Variants in CACNA1C observed in about 807,000 individuals in gnomAD.
The protein encoded by CACNA1C is voltage-dependent L-type calcium channel subunit alpha-1C.
Under a neutral mutation model 229.0 loss-of-function variants are expected in CACNA1C, and 30 were observed. The observed-to-expected ratio is 0.13, with a 90% CI of 0.10 to 0.18. The LOEUF (loss-of-function observed/expected upper bound fraction) is 0.18, where lower values mean the gene tolerates loss of function less well. Among genes scored for constraint, CACNA1C ranks in the 10% least tolerant of loss-of-function variants. The pLI is 1.00. For missense variants in CACNA1C, 1,658 were observed against 2,845.0 expected, an observed-to-expected ratio of 0.58 and a Z score of 9.49; for synonymous variants, 1,114 against 1,132.5, an observed-to-expected ratio of 0.98 and a Z score of 0.33.
At position 2,664,841 on chromosome 12, in the gene CACNA1C, G is replaced by A; in HGVS notation, c.4249G>A (p.Ala1417Thr). The change falls in exon 35 of 47, where the codon GCC becomes ACC. Residue 1417 changes from alanine to threonine, a missense_variant. By Grantham distance (58) the Ala-to-Thr change is moderately conservative. Around this residue, in one of 20 missense-constraint regions of CACNA1C, gnomAD observed 151 missense variants for 344.4 expected, o/e 0.44. Coordinates refer to ENST00000399655, the MANE Select transcript of CACNA1C (RefSeq NM_000719.7). Reference sequence around the variant, plus strand: ...CCCCTCCAGGTGTGCCACCGGGGAGGCCTGGCAGGACATCATGCTGGCCTG... The same window carrying A: ...CCCCTCCAGGTGTGCCACCGGGGAGACCTGGCAGGACATCATGCTGGCCTG... ...LLLFRCATGEAWQDIMLACMP... is the reference protein window; with the variant it reads ...LLLFRCATGETWQDIMLACMP... 6.2e-7 allele frequency: 1 copy of A among 1,600,396 alleles called. No homozygotes were observed. The highest frequency in any genetic ancestry group is 8.5e-7 in the Non-Finnish European group (1 of 1,171,882).
intron 3 of CACNA1C, among the ~76,000 whole-genome samples, chr12:2,210,549 T>C (rs753414116): frequency 6.6e-6 from 1 of 152,108 alleles, no homozygotes; most frequent in Non-Finnish European, 1.5e-5. Flanking sequence ...TTGACTCAAG[T>C]TTATAAGTGG....
intron 3 of CACNA1C, among the ~76,000 whole-genome samples, chr12:2,352,547 G>A (rs2097233764): frequency 6.6e-6 from 1 of 152,170 alleles, no homozygotes; most frequent in South Asian, 2.1e-4. Flanking sequence ...TCTTGGTGGG[G>A]AGATGCTGGT....
chr12:2,139,733 C>T (rs1366429062), intron 3 of CACNA1C, among the ~76,000 whole-genome samples: 3 of 151,314 alleles, frequency 2.0e-5, no homozygotes, highest in South Asian at 4.2e-4. Context: ...AGTCCTGCAG[C>T]TTAGCACCAA....
intron 1 of CACNA1C, among the ~76,000 whole-genome samples, chr12:2,037,544 G>A (rs966687759): frequency 2.6e-5 from 4 of 152,180 alleles, no homozygotes; most frequent in Non-Finnish European, 4.4e-5. Context: ...GGTCAGAATG[G>A]TCCCAACTCA....
At chr12:2,159,132 G>A (rs2095702075) in intron 3 of CACNA1C, among the ~76,000 whole-genome samples, 1 of 152,142 alleles carries the variant, frequency 6.6e-6, no homozygotes, top group Non-Finnish European at 1.5e-5. Context: ...AGGTTGGGGA[G>A]GGGGGTAAGA....
At position 2,444,712 on chromosome 12, in the gene CACNA1C, T is replaced by A. The variant is rs189483315; in HGVS notation, c.478-4264T>A. ...ATCACCATCCACACAGTCACCCAAA[T>A]TAGAAACCTCAGGGAGGGGGCATTG... On this transcript the variant is annotated intron_variant, in intron 3 of 46. Transcript: ENST00000399655. Among the ~76,000 whole-genome samples the A allele has an allele frequency of 7.5e-4, 114 of 152,228 alleles. No individual in the cohort carries two copies. The Middle Eastern group carries it at 0.024, about 32-fold the overall frequency.
rs918448796 is a variant in CACNA1C, at chr12:2,597,863, C to G, written c.2853+574C>G. Among the ~76,000 whole-genome samples, 2 of 152,250 alleles carry G rather than the reference C, an allele frequency of 1.3e-5. No individual in the cohort carries two copies. Among genetic ancestry groups the G allele is most frequent in the Non-Finnish European group, 2.9e-5 (2 of 68,042 alleles). On this transcript the variant is annotated intron_variant, in intron 21 of 46. Transcript: ENST00000399655. The surrounding 1 kb of genome is among the most constrained non-coding windows in gnomAD (Gnocchi z 4.3). ...TCCGGTTAACTGATACCTGAGCCCA[C>G]GTAGGACTCTCCTTCCCTCCTCCTG...
intron 1 of CACNA1C, among the ~76,000 whole-genome samples, chr12:2,088,396 G>A (rs943764426): frequency 3.3e-5 from 5 of 152,174 alleles, no homozygotes; most frequent in Non-Finnish European, 5.9e-5. Context: ...TGAACACGGT[G>A]GTTAGAGCAC....
intron 1 of CACNA1C, among the ~76,000 whole-genome samples, chr12:2,095,094 A>G (rs2073261566): frequency 6.6e-6 from 1 of 152,190 alleles, no homozygotes; most frequent in Admixed American, 6.5e-5. Context: ...ACAGACGGGA[A>G]CTTAGGGCTC....
chr12:2,148,489 C>T (rs949739497), intron 3 of CACNA1C, among the ~76,000 whole-genome samples: 11 of 151,236 alleles, frequency 7.3e-5, no homozygotes, highest in Admixed American at 1.3e-4. Flanking sequence ...TTACTTTGAT[C>T]ATACTAGTAA....
intron 18 of CACNA1C, among the ~76,000 whole-genome samples, chr12:2,591,566 G>T (rs1042811793): frequency 1.3e-5 from 2 of 152,188 alleles, no homozygotes; most frequent in African/African-American, 4.8e-5. Context: ...ACTCAGGAAA[G>T]TTGGAAGGAG....
intron 1 of CACNA1C, among the ~76,000 whole-genome samples, chr12:1,987,807 G>A (rs2038232319): frequency 1.3e-5 from 2 of 152,090 alleles, no homozygotes; most frequent in African/African-American, 4.8e-5. Context: ...GAGCTACATG[G>A]TGTACTATGA....
chr12:2,542,698 A>T (rs1257286751), intron 9 of CACNA1C, among the ~76,000 whole-genome samples: 1 of 152,148 alleles, frequency 6.6e-6, no homozygotes, highest in Non-Finnish European at 1.5e-5. Context: ...GACTTTTTAT[A>T]ATCTCCCCAG....
intron 1 of CACNA1C, among the ~76,000 whole-genome samples, chr12:2,018,578 C>T (rs534073125): frequency 3.9e-5 from 6 of 152,276 alleles, no homozygotes; most frequent in East Asian, 1.9e-4. Flanking sequence ...TGTGGACGAG[C>T]GCTTCCTCCA....
At chr12:2,334,459 T>A (rs2096634818) in intron 3 of CACNA1C, among the ~76,000 whole-genome samples, 1 of 152,048 alleles carries the variant, frequency 6.6e-6, no homozygotes, top group Non-Finnish European at 1.5e-5. Context: ...TAGAGAGGAA[T>A]TGTGCTGTAG....
intron 3 of CACNA1C, among the ~76,000 whole-genome samples, chr12:2,124,537 G>A (rs2089076333): frequency 6.6e-6 from 1 of 152,316 alleles, no homozygotes; most frequent in South Asian, 2.1e-4. Flanking sequence ...GTGAGGAGGA[G>A]GCTCGAAGGC....
intron 3 of CACNA1C, among the ~76,000 whole-genome samples, chr12:2,206,004 G>T (rs572451359): frequency 6.6e-6 from 1 of 152,270 alleles, no homozygotes; most frequent in South Asian, 2.1e-4. Context: ...CACACTGGGG[G>T]CTAGGATTTC....
At chr12:2,485,918 G>A (rs951578600) in intron 5 of CACNA1C, among the ~76,000 whole-genome samples, 186 bp from the exon 6 acceptor site, 7 of 152,252 alleles carry the variant, frequency 4.6e-5, no homozygotes, top group African/African-American at 1.7e-4. Flanking sequence ...GATTTGGAGT[G>A]AGGCCAACCT....
intron 3 of CACNA1C, among the ~76,000 whole-genome samples, chr12:2,439,971 C>T (rs2099203128): frequency 6.6e-6 from 1 of 152,120 alleles, no homozygotes; most frequent in Non-Finnish European, 1.5e-5. Context: ...GACCTGCCCT[C>T]AGGATTGTGA....
Sources: allele counts gnomAD v4.1 joint callset (sites outside exome capture counted in the v4.1 genomes callset), GRCh38; gene constraint gnomAD v4.1.1; regional missense constraint gnomAD v4.1.1; non-coding constraint Gnocchi (gnomAD v3.1); transcripts MANE v1.5; gene names NCBI Gene and HGNC (gene_info 2026-07-23, HGNC 2026-07-21).